GALNT17: variants seen among roughly 807,000 people sequenced by gnomAD.
GALNT17 encodes polypeptide N-acetylgalactosaminyltransferase 17.
A neutral mutation model predicts 63.7 loss-of-function variants in GALNT17; 29 were observed. The observed-to-expected ratio is 0.46, with a 90% CI of 0.34 to 0.62. The LOEUF is 0.62. Among genes scored for constraint, GALNT17 ranks in the 20% least tolerant of loss-of-function variants. The pLI is 0.01. For missense variants in GALNT17, 603 were observed against 799.6 expected, an observed-to-expected ratio of 0.75 and a Z score of 2.97; for synonymous variants, 305 against 318.3, an observed-to-expected ratio of 0.96 and a Z score of 0.45.
intron 2 of GALNT17, among the ~76,000 whole-genome samples, chr7:71,365,322 C>G (rs1026824395): frequency 7.2e-5 from 11 of 152,232 alleles, no homozygotes; most frequent in Admixed American, 2.0e-4. Context: ...TCACTGCAAC[C>G]TCTGCCTCCC....
At chr7:71,267,425 G>C (rs1790511275) in intron 1 of GALNT17, among the ~76,000 whole-genome samples, 1 of 150,550 alleles carries the variant, frequency 6.6e-6, no homozygotes, top group African/African-American at 2.5e-5. Context: ...ACATAAATAA[G>C]TCTAATAGGT....
intron 5 of GALNT17, among the ~76,000 whole-genome samples, chr7:71,478,159 G>A (rs1787755062): frequency 1.3e-5 from 2 of 152,098 alleles, no homozygotes. Flanking sequence ...GTGGGAACTG[G>A]AACCAGCGTG....
At chr7:71,336,006 TC>T (rs1167541660) in intron 2 of GALNT17, among the ~76,000 whole-genome samples, 9,441 of 86,352 alleles carry the variant, frequency 0.11, 623 homozygotes, top group African/African-American at 0.33. Context: ...TTCTTCTTCT[TC>T]CTTCTTCTTC....
At chr7:71,530,336 ACACACACACACG>A (rs1305835191) in intron 5 of GALNT17, among the ~76,000 whole-genome samples, 1 of 151,620 alleles carries the variant, frequency 6.6e-6, no homozygotes, top group Non-Finnish European at 1.5e-5. Context: ...ACGCAACAAC[ACACACACACACG>A]CACACACACA....
chr7:71,485,217 T>A (rs976145108), intron 5 of GALNT17, among the ~76,000 whole-genome samples: 1 of 152,022 alleles, frequency 6.6e-6, no homozygotes, highest in Non-Finnish European at 1.5e-5. Flanking sequence ...GCGATCCTCC[T>A]GCCTCAGCCT....
At chr7:71,589,301 G>A (rs1789764255) in intron 6 of GALNT17, among the ~76,000 whole-genome samples, 1 of 152,168 alleles carries the variant, frequency 6.6e-6, no homozygotes, top group Non-Finnish European at 1.5e-5. Context: ...TACCTAGCCA[G>A]GCACAGTGGC....
intron 2 of GALNT17, among the ~76,000 whole-genome samples, chr7:71,337,333 A>G (rs1054441033): frequency 6.6e-6 from 1 of 151,886 alleles, no homozygotes; most frequent in African/African-American, 2.4e-5. Context: ...TCATATCTTT[A>G]TATGTTTTGA....
intron 1 of GALNT17, among the ~76,000 whole-genome samples, chr7:71,153,682 C>T (rs1380531788): frequency 2.0e-5 from 3 of 151,976 alleles, no homozygotes; most frequent in Non-Finnish European, 4.4e-5. Context: ...TGTGGGAGGC[C>T]GAGGCCGGTG....
chr7:71,602,840 T>C (rs978090926), intron 6 of GALNT17, among the ~76,000 whole-genome samples: 1 of 152,148 alleles, frequency 6.6e-6, no homozygotes, highest in African/African-American at 2.4e-5. Context: ...ATGGGAACAC[T>C]GGAAATAGTG....
chr7:71,347,135 A>G (rs1287018291), intron 2 of GALNT17, among the ~76,000 whole-genome samples: 1 of 152,122 alleles, frequency 6.6e-6, no homozygotes, highest in African/African-American at 2.4e-5. Flanking sequence ...TGATTCCTGC[A>G]GTACTTATGG....
intron 9 of GALNT17, among the ~76,000 whole-genome samples, chr7:71,708,282 G>A (rs1468633964): frequency 9.2e-5 from 14 of 152,122 alleles, no homozygotes; most frequent in African/African-American, 2.9e-4. Context: ...AGGAGGCCTC[G>A]CAATCATGTT....
intron 9 of GALNT17, among the ~76,000 whole-genome samples, chr7:71,691,525 A>G (rs1042373625): frequency 6.6e-6 from 1 of 152,224 alleles, no homozygotes; most frequent in Admixed American, 6.5e-5. Context: ...ACTCAGGGTT[A>G]AGGAGGAATT....
At chr7:71,472,753 T>C (rs946427348) in intron 5 of GALNT17, among the ~76,000 whole-genome samples, 6 of 152,156 alleles carry the variant, frequency 3.9e-5, no homozygotes, top group Non-Finnish European at 8.8e-5. Flanking sequence ...CTGGATATCA[T>C]ATTATAACAG....
chr7:71,262,198 A>G (rs191762176), intron 1 of GALNT17, among the ~76,000 whole-genome samples: 80 of 151,962 alleles, frequency 5.3e-4, no homozygotes, highest in Admixed American at 2.3e-3. Flanking sequence ...TGCAGCTTCA[A>G]ACTCCTGGGC....
intron 2 of GALNT17, among the ~76,000 whole-genome samples, chr7:71,375,779 A>G (rs1347141891): frequency 6.6e-6 from 1 of 152,210 alleles, no homozygotes; most frequent in Non-Finnish European, 1.5e-5. Context: ...TCATGCCTGT[A>G]ATCCCAGCCA....
chr7:71,590,352 A>T (rs1278700141), intron 6 of GALNT17, among the ~76,000 whole-genome samples: 1 of 152,202 alleles, frequency 6.6e-6, no homozygotes, highest in Non-Finnish European at 1.5e-5. Flanking sequence ...CCAGCCTGCC[A>T]GATCTATTGT....
At chr7:71,584,430 TG>T (rs1469534122) in intron 6 of GALNT17, among the ~76,000 whole-genome samples, 1 of 152,206 alleles carries the variant, frequency 6.6e-6, no homozygotes, top group Non-Finnish European at 1.5e-5. Context: ...ATTAACATTT[TG>T]CTGTTTTTTT....
At chr7:71,472,821 C>G (rs1048569692) in intron 5 of GALNT17, among the ~76,000 whole-genome samples, 1 of 152,200 alleles carries the variant, frequency 6.6e-6, no homozygotes, top group African/African-American at 2.4e-5. Flanking sequence ...ACCTTGTGAC[C>G]TTTGTTGACC....
chr7:71,476,136 G>T (rs1321857863), intron 5 of GALNT17, among the ~76,000 whole-genome samples: 1 of 152,184 alleles, frequency 6.6e-6, no homozygotes, highest in Non-Finnish European at 1.5e-5. Flanking sequence ...CAGTGGAAGA[G>T]AATAACGGGA....
Sources: allele counts gnomAD v4.1 joint callset (sites outside exome capture counted in the v4.1 genomes callset), GRCh38; gene constraint gnomAD v4.1.1; transcripts MANE v1.5; gene names NCBI Gene and HGNC (gene_info 2026-07-23, HGNC 2026-07-21).